Variants in GFPT1 observed in about 807,000 individuals in gnomAD.
The protein encoded by GFPT1 is glutamine--fructose-6-phosphate transaminase 1.
A neutral mutation model predicts 92.0 loss-of-function variants in GFPT1; 40 were observed. The observed-to-expected ratio is 0.43, with a 90% CI of 0.34 to 0.57. The LOEUF is 0.57. GFPT1 is among the 20% of genes least tolerant of loss of function. The pLI, the probability that GFPT1 is intolerant of heterozygous loss-of-function variation, is 0.02. For synonymous variants in GFPT1, 269 were observed against 280.6 expected, an observed-to-expected ratio of 0.96 and a Z score of 0.41; for missense variants, 448 against 869.1, an observed-to-expected ratio of 0.52 and a Z score of 6.09.
chr2:69,385,225 AT>A (rs1474886265), intron 1 of GFPT1, among the ~76,000 whole-genome samples: 1 of 151,920 alleles, frequency 6.6e-6, no homozygotes, highest in Non-Finnish European at 1.5e-5. Context: ...ATTTATTTAT[AT>A]TTATTTATCA....
chr2:69,374,312 AT>A (rs1446439751), intron 1 of GFPT1, among the ~76,000 whole-genome samples, 199 bp from the exon 2 acceptor site: 2 of 119,786 alleles, frequency 1.7e-5, no homozygotes, highest in South Asian at 5.6e-4. Context: ...CACATTTATA[AT>A]TTTTTCTTTT....
intron 13 of GFPT1, 142 bp from the exon 14 acceptor site, chr2:69,338,707 A>AT (rs773527258): frequency 1.6e-6 from 1 of 636,582 alleles, no homozygotes; most frequent in Non-Finnish European, 2.5e-6. Flanking sequence ...AGATTAAAAT[A>AT]TTTAAAAAAA....
At chr2:69,371,152 C>G (rs1671737923) in intron 2 of GFPT1, among the ~76,000 whole-genome samples, 1 of 149,128 alleles carries the variant, frequency 6.7e-6, no homozygotes, top group South Asian at 2.2e-4. Context: ...TCTCAGCTCC[C>G]TGCAACCTCT....
chr2:69,327,721 A>G (rs1463965865), intron 18 of GFPT1, among the ~76,000 whole-genome samples: 1 of 152,210 alleles, frequency 6.6e-6, no homozygotes, highest in Non-Finnish European at 1.5e-5. Context: ...TATGTTAACT[A>G]AAAGAAGACA....
intron 10 of GFPT1, among the ~76,000 whole-genome samples, chr2:69,349,038 T>G (rs1671149636): frequency 6.6e-6 from 1 of 152,036 alleles, no homozygotes; most frequent in African/African-American, 2.4e-5. Context: ...ACTCCTAATC[T>G]CTCCTTAACT....
chr2:69,363,759 C>T lies in GFPT1; in HGVS notation c.224-89G>A. ...ATATTTAAATACAATTATTACAATGCTGCTCTCTTGGAATATACAATCACT... is the reference window on the plus strand; with the variant it reads ...ATATTTAAATACAATTATTACAATGTTGCTCTCTTGGAATATACAATCACT... On this transcript the variant is annotated intron_variant, in intron 3 of 19. Transcript: ENST00000357308. The T allele has an allele frequency of 8.8e-6, 8 of 913,392 alleles. No homozygotes were observed. The South Asian group carries it at 1.1e-4, about 13-fold the overall frequency. 56.6% of individuals were successfully genotyped at this position (913,392 alleles called of 1,614,324 possible). A position where few individuals can be genotyped will look rare whatever the true frequency, so the allele number is the denominator to read the frequency against.
chr2:69,342,074 AG>A (rs2104624102), intron 13 of GFPT1, 77 bp downstream of exon 13: 1 of 777,206 alleles, frequency 1.3e-6, no homozygotes, highest in South Asian at 1.7e-5. Context: ...AGTTTTACAC[AG>A]TATGTTATTA....
At position 69,320,559 on chromosome 2, in the gene GFPT1, G is replaced by A. The variant is rs533594691; in HGVS notation, c.*5630C>T. The A allele has an allele frequency of 3.3e-5, 5 of 152,440 alleles. No individual in the cohort carries two copies. The highest frequency in any genetic ancestry group is 2.1e-4 in the South Asian group (1 of 4,816). The allele number at this position is 152,440 out of a possible 1,614,324, so 9.4% of individuals were successfully genotyped here. A position where few individuals can be genotyped will look rare whatever the true frequency, so the allele number is the denominator to read the frequency against. On this transcript the variant is annotated 3_prime_UTR_variant, in exon 20 of 20. Transcript: ENST00000357308. ...TCCCAGCACTTTGGGAGGCCAAGGC[G>A]GGCAGATCACTTAAGGTCAGGAGTT...
chr2:69,360,328 CAAAAAAA>C (rs576395697), intron 4 of GFPT1, among the ~76,000 whole-genome samples: 11 of 78,456 alleles, frequency 1.4e-4, no homozygotes, highest in African/African-American at 5.5e-4. Context: ...GATTCTGTCT[CAAAAAAA>C]AAAAAAAAAA....
chr2:69,387,087 G>T lies in GFPT1; in HGVS notation c.-16C>A. 1 of 1,536,324 alleles carries T rather than the reference G, an allele frequency of 6.5e-7. No homozygotes were observed. Among genetic ancestry groups the T allele is most frequent in the Non-Finnish European group, 8.7e-7 (1 of 1,146,388 alleles). ...TACCACACATGATGCCGGAGACACG[G>T]CCCGCGAGGCCAGGGGCGAGTGGCT... is the stretch of plus-strand genomic sequence containing the variant. On this transcript the variant is annotated 5_prime_UTR_variant, in exon 1 of 20. Coordinates refer to ENST00000357308, the MANE Select transcript of GFPT1 (RefSeq NM_001244710.2).
chr2:69,367,344 T>TTTGTTGTTGTTGTTGTTGTTG (rs144120046), intron 3 of GFPT1, among the ~76,000 whole-genome samples: 1 of 150,250 alleles, frequency 6.7e-6, no homozygotes, highest in East Asian at 2.0e-4. Context: ...CAACTTATTT[T>TTTGTTGTTGTTGTTGTTGTTG]TTGTTGTTGT....
chr2:69,383,665 G>A (rs1235752703), intron 1 of GFPT1, among the ~76,000 whole-genome samples: 6 of 151,838 alleles, frequency 4.0e-5, no homozygotes, highest in Admixed American at 6.6e-5. Flanking sequence ...CACTCTTGTC[G>A]CCCAGGCTGG....
chr2:69,324,115 C>G lies in GFPT1; in HGVS notation c.*2074G>C, dbSNP rs1451025869. 6.6e-6 allele frequency: 1 copy of G among 152,126 alleles called. No homozygotes were observed. The highest frequency in any genetic ancestry group is 1.5e-5 in the Non-Finnish European group (1 of 68,032). The allele number at this position is 152,126 out of a possible 1,614,324, so 9.4% of individuals were successfully genotyped here. The stretch of plus-strand genomic sequence containing the variant: ...GAGCCACTGCACCCGGCAGAGAATC[C>G]ATGTTTGTTTGGAAAATATCACTTC... On this transcript the variant is annotated 3_prime_UTR_variant, in exon 20 of 20. Coordinates refer to ENST00000357308, the MANE Select transcript of GFPT1 (RefSeq NM_001244710.2).
At chr2:69,333,285 T>A (rs1032663462) in intron 15 of GFPT1, among the ~76,000 whole-genome samples, 1 of 152,240 alleles carries the variant, frequency 6.6e-6, no homozygotes, top group African/African-American at 2.4e-5. Context: ...CTGTAGCCCA[T>A]AACTAAAAAT....
intron 4 of GFPT1, among the ~76,000 whole-genome samples, chr2:69,360,808 C>T (rs953627718): frequency 1.3e-5 from 2 of 152,128 alleles, no homozygotes; most frequent in Admixed American, 6.6e-5. Context: ...GATCTCGGCT[C>T]ACTGCAACCT....
rs1480617162 is a variant in GFPT1 at position 69,345,924 on chromosome 2, A to C, written c.1085T>G (p.Val362Gly). The change falls in exon 12 of 20, where the codon GTC becomes GGC. Residue 362 changes from valine to glycine, a missense_variant. Physicochemically the swap from Val to Gly is moderately radical, Grantham distance 109. Around this residue, in one of 7 missense-constraint regions of GFPT1, gnomAD observed 121 missense variants for 304.3 expected, o/e 0.40. Coordinates refer to ENST00000357308, the MANE Select transcript of GFPT1 (RefSeq NM_001244710.2). Reference protein sequence around the residue: ...ESVVNTMRGRVNFDDYTVNLG... With the variant: ...ESVVNTMRGRGNFDDYTVNLG... ...ATTACCAGTATAGTCATCAAAGTTG[A>C]CTCTTCCTCTCATTGTGTTCACGAC... 1 of 1,577,710 alleles carries C rather than the reference A, an allele frequency of 6.3e-7. No individual in the cohort carries two copies.
In GFPT1 at chr2:69,350,099, T is replaced by C; in HGVS notation, c.824A>G (p.Tyr275Cys). The change falls in exon 10 of 20, where the codon TAT becomes TGT. Residue 275 changes from tyrosine to cysteine, a missense_variant. Around this residue, in one of 7 missense-constraint regions of GFPT1, gnomAD observed 121 missense variants for 304.3 expected, o/e 0.40. Transcript: ENST00000357308. ...LFPVEEKAVE[Y>C]YFASDASAVI... ...TCACCTTGCATCAGAAGCAAAGTAA[T>C]ACTCCACTGCTTTTTCTTCCACCGG... The C allele has an allele frequency of 6.2e-7, 1 of 1,612,716 alleles. No individual in the cohort carries two copies. Among genetic ancestry groups the C allele is most frequent in the Non-Finnish European group, 8.5e-7 (1 of 1,178,698 alleles).
chr2:69,333,954 G>A (rs986446697), intron 15 of GFPT1, among the ~76,000 whole-genome samples: 11 of 152,084 alleles, frequency 7.2e-5, no homozygotes, highest in South Asian at 2.1e-4. Context: ...TCAGGAGTTC[G>A]AGACCAGACT....
At position 69,321,263 on chromosome 2, in the gene GFPT1, T is replaced by A. The variant is rs899379657; in HGVS notation, c.*4926A>T. The A allele has an allele frequency of 6.6e-6, 1 of 152,226 alleles. No homozygotes were observed. Among genetic ancestry groups the A allele is most frequent in the Non-Finnish European group, 1.5e-5 (1 of 68,026 alleles). The allele number at this position is 152,226 out of a possible 1,614,324, so 9.4% of individuals were successfully genotyped here. A position where few individuals can be genotyped will look rare whatever the true frequency, so the allele number is the denominator to read the frequency against. ...GAGAAAGTATCTGTGGAGTTTGGTA[T>A]CAGAAAGGGCAGAGCCTTTGTTTTA... is the stretch of plus-strand genomic sequence containing the variant. On this transcript the variant is annotated 3_prime_UTR_variant, in exon 20 of 20. Transcript: ENST00000357308.
Sources: gnomAD v4.1 joint callset for allele counts (sites outside exome capture counted in the v4.1 genomes callset) on GRCh38, gnomAD v4.1.1 for gene constraint, gnomAD v4.1.1 regional missense constraint, MANE v1.5 for transcripts, NCBI Gene and HGNC (gene_info 2026-07-23, HGNC 2026-07-21) for gene names.